The following LPA variants were observed in gnomAD, a reference collection of about 807,000 sequenced individuals.
LPA encodes the protein lipoprotein(a).
Under a neutral mutation model 197.9 loss-of-function variants are expected in LPA, and 199 were observed. That is an observed-to-expected ratio of 1.01 (90% CI 0.90 to 1.13). LPA has a LOEUF of 1.13. Ranked by LOEUF, LPA falls within the 50% of genes most tolerant of loss-of-function variation. LPA has a pLI of 0.00. For synonymous variants in LPA, 715 were observed against 639.5 expected, an observed-to-expected ratio of 1.12 and a Z score of -1.78; for missense variants, 1,853 against 1,785.8, an observed-to-expected ratio of 1.04 and a Z score of -0.68.
intron 16 of LPA, among the ~76,000 whole-genome samples, chr6:160,610,474 A>G (rs1417513840): frequency 9.2e-5 from 14 of 152,170 alleles, no homozygotes. Context: ...CCAATAACAC[A>G]GAGTGCTATG....
At chr6:160,605,490 G>A (rs1004658669) in intron 17 of LPA, among the ~76,000 whole-genome samples, 4 of 151,994 alleles carry the variant, frequency 2.6e-5, no homozygotes, top group African/African-American at 9.7e-5. Context: ...ACAAATGAGA[G>A]GGCTTCTCAA....
chr6:160,567,032 C>A (rs111674165), intron 28 of LPA, among the ~76,000 whole-genome samples: 72 of 152,274 alleles, frequency 4.7e-4, no homozygotes, highest in African/African-American at 1.7e-3. Context: ...TAGACTCCCA[C>A]ACAATAATAA....
intron 20 of LPA, 29 bp from the exon 21 acceptor site, chr6:160,595,564 C>T (rs897630534): frequency 6.2e-7 from 1 of 1,613,750 alleles, no homozygotes; most frequent in Non-Finnish European, 8.5e-7. Flanking sequence ...CACAGGTCAC[C>T]AGAGATGGGA....
In LPA at chr6:160,542,764, T is replaced by C; in HGVS notation, c.5443A>G (p.Lys1815Glu). ...CCCCCTACAATGCTTCCAGGACATT[T>C]CTTCGGCTCCACTTGAGGCTTCCCA... ...DCGKPQVEPK[K>E]CPGSIVGGCV... The change falls in exon 34 of 39, where the codon AAA becomes GAA. Residue 1815 changes from lysine to glutamate, a missense_variant. Coordinates refer to ENST00000316300, the MANE Select transcript of LPA (RefSeq NM_005577.4). The C allele has an allele frequency of 6.2e-7, 1 of 1,614,118 alleles. No individual in the cohort carries two copies.
intron 30 of LPA, among the ~76,000 whole-genome samples, chr6:160,549,646 C>T (rs771615400): frequency 6.6e-6 from 1 of 152,344 alleles, no homozygotes; most frequent in Non-Finnish European, 1.5e-5. Context: ...GTCAATACCA[C>T]TTCAGGTGGG....
At chr6:160,532,845 C>T (rs1197384943) in intron 37 of LPA, among the ~76,000 whole-genome samples, 196 bp from the exon 38 acceptor site, 5 of 152,166 alleles carry the variant, frequency 3.3e-5, no homozygotes, top group Admixed American at 3.3e-4. Flanking sequence ...TTCCCAAGAC[C>T]TGGATTCAAC....
At position 160,538,970 on chromosome 6, in the gene LPA, C is replaced by T. The variant is rs41266358; in HGVS notation, c.5736-1009G>A. On this transcript the variant is annotated intron_variant, in intron 36 of 38. Coordinates refer to ENST00000316300, the MANE Select transcript of LPA (RefSeq NM_005577.4). ...ATTTGCTGGGATGGTGGGGAGGACC[C>T]TGGGGAGCAAGAGGGAGATCAGCTA... 2.4e-3 allele frequency among the ~76,000 whole-genome samples: 369 copies of T among 152,288 alleles called. 2 individuals are homozygous for T. The highest frequency in any genetic ancestry group is 8.6e-3 in the African/African-American group (356 of 41,566).
intron 28 of LPA, among the ~76,000 whole-genome samples, chr6:160,574,875 C>A (rs1169374581): frequency 6.6e-6 from 1 of 152,180 alleles, no homozygotes; most frequent in Non-Finnish European, 1.5e-5. Context: ...TGAGCCTCTG[C>A]ATGCTGCTCT....
chr6:160,588,812 G>T (rs192303959), intron 24 of LPA, among the ~76,000 whole-genome samples: 4 of 152,310 alleles, frequency 2.6e-5, no homozygotes, highest in Admixed American at 6.5e-5. Context: ...AAGGAAGACA[G>T]GTTAATGATG....
intron 37 of LPA, 52 bp from the exon 38 acceptor site, chr6:160,532,701 G>A (rs1182405939): frequency 3.2e-6 from 4 of 1,249,434 alleles, no homozygotes; most frequent in African/African-American, 1.5e-5. Context: ...GCTTGTTCAC[G>A]AGGAAATTCC....
At chr6:160,647,097 GT>G (rs1459910270) in intron 2 of LPA, among the ~76,000 whole-genome samples, 1 of 152,198 alleles carries the variant, frequency 6.6e-6, no homozygotes, top group Non-Finnish European at 1.5e-5. Context: ...TCTAGAATGG[GT>G]TCCTGGGCAG....
chr6:160,651,827 A>G (rs544927803), intron 1 of LPA, among the ~76,000 whole-genome samples: 107 of 152,306 alleles, frequency 7.0e-4, no homozygotes, highest in African/African-American at 2.5e-3. Context: ...GAATTTCAGC[A>G]AAGAGATGGA....
At chr6:160,597,728 A>T (rs1218913300) in intron 20 of LPA, among the ~76,000 whole-genome samples, 1 of 152,206 alleles carries the variant, frequency 6.6e-6, no homozygotes, top group Non-Finnish European at 1.5e-5. Context: ...TATGATACTA[A>T]TATGTCAAAT....
At chr6:160,539,264 A>G (rs1410270027) in intron 36 of LPA, among the ~76,000 whole-genome samples, 1 of 152,182 alleles carries the variant, frequency 6.6e-6, no homozygotes, top group African/African-American at 2.4e-5. Context: ...TGCCTCTCCT[A>G]CAAATACTGT....
intron 29 of LPA, among the ~76,000 whole-genome samples, chr6:160,557,152 T>C (rs1778277749): frequency 6.6e-6 from 1 of 152,094 alleles, no homozygotes; most frequent in South Asian, 2.1e-4. Context: ...AGATAACCCC[T>C]TTCATAACAA....
chr6:160,556,166 G>A lies in LPA; in HGVS notation c.4832C>T (p.Pro1611Leu), dbSNP rs1778259811. 1.2e-6 allele frequency: 2 copies of A among 1,613,908 alleles called. No individual in the cohort carries two copies. Among genetic ancestry groups the A allele is most frequent in the Non-Finnish European group, 1.7e-6 (2 of 1,179,932 alleles). The part of the protein sequence containing the change: ...HSEAAPTEQT[P>L]VVRQCYHGNG... ...ACCATGGTAGCACTGCCGGACCACA[G>A]GGGTTTGCTCAGTTGGTGCTGAAAA... Residue 1611 changes from proline (P) to leucine (L), a missense_variant, in exon 30 of 39, where the codon CCT becomes CTT. By Grantham distance (98) the Pro-to-Leu change is moderately conservative. Coordinates refer to ENST00000316300, the MANE Select transcript of LPA (RefSeq NM_005577.4).
At chr6:160,542,133 C>T (rs1777991069) in intron 34 of LPA, among the ~76,000 whole-genome samples, 1 of 152,162 alleles carries the variant, frequency 6.6e-6, no homozygotes, top group South Asian at 2.1e-4. Context: ...AAACGATACC[C>T]AAAATGTCCA....
At chr6:160,634,541 C>CG (rs1282425257) in intron 7 of LPA, among the ~76,000 whole-genome samples, 10 of 141,906 alleles carry the variant, frequency 7.0e-5, no homozygotes, top group African/African-American at 2.6e-4. Context: ...CTAGACCCCT[C>CG]ACAGGTACAA....
chr6:160,634,971 C>A, intron 7 of LPA, 152 bp downstream of exon 7: 2 of 1,495,942 alleles, frequency 1.3e-6, no homozygotes, highest in South Asian at 2.3e-5. Flanking sequence ...CTGGCTCCCC[C>A]AGAGAGTACA....
Sources: gnomAD v4.1 joint callset for allele counts (sites outside exome capture counted in the v4.1 genomes callset) on GRCh38, gnomAD v4.1.1 for gene constraint, MANE v1.5 for transcripts, NCBI Gene and HGNC (gene_info 2026-07-23, HGNC 2026-07-21) for gene names.